The following USP40 variants were observed in gnomAD, a reference collection of about 807,000 sequenced individuals.
USP40 encodes the protein ubiquitin specific peptidase 40.
Under a neutral mutation model 166.2 loss-of-function variants are expected in USP40, and 143 were observed. The observed-to-expected ratio is 0.86, with a 90% CI of 0.75 to 0.99. The LOEUF (loss-of-function observed/expected upper bound fraction) is 0.99, where lower values mean the gene tolerates loss of function less well. USP40 is among the 50% of genes least tolerant of loss of function. The pLI, the probability that USP40 is intolerant of heterozygous loss-of-function variation, is 0.00. For synonymous variants in USP40, 498 were observed against 524.0 expected (o/e 0.95, Z 0.68); for missense variants, 1,444 against 1,479.7 (o/e 0.98, Z 0.40).
intron 31 of USP40, among the ~76,000 whole-genome samples, chr2:233,479,976 G>A (rs890814136): frequency 2.6e-5 from 4 of 152,200 alleles, no homozygotes; most frequent in African/African-American, 7.2e-5. Flanking sequence ...CTCCTCGCTC[G>A]GCTCCCTGAT....
intron 8 of USP40, among the ~76,000 whole-genome samples, chr2:233,544,549 G>A (rs932931243): frequency 1.3e-5 from 2 of 152,110 alleles, no homozygotes; most frequent in Non-Finnish European, 2.9e-5. Flanking sequence ...CCATCCTGAG[G>A]CATCTAAGAG....
intron 24 of USP40, among the ~76,000 whole-genome samples, chr2:233,494,963 TATATATATATATATATAC>T (rs2065643284): frequency 2.8e-5 from 2 of 70,288 alleles, no homozygotes; most frequent in African/African-American, 1.6e-4. Flanking sequence ...TATTTATATA[TATATATATATATATATAC>T]ACACACATAA....
At position 233,521,123 on chromosome 2, in the gene USP40, AAAAAG is replaced by A. The variant is rs1559248894; in HGVS notation, c.2202-14_2202-10del. The A allele has an allele frequency of 5.0e-6, 8 of 1,605,688 alleles. No homozygotes were observed. Among genetic ancestry groups the A allele is most frequent in the Non-Finnish European group, 5.9e-6 (7 of 1,177,040 alleles). On this transcript the variant is annotated splice_polypyrimidine_tract_variant and intron_variant, in intron 16 of 31. Transcript: ENST00000678225. ...CTTCCTTGGTCAACAAGCTGTAGGT[AAAAAG>A]AAAAGATCAGAAATTAATACCTTTC...
chr2:233,518,227 C>CA (rs2067379116), intron 18 of USP40, among the ~76,000 whole-genome samples: 1 of 60,014 alleles, frequency 1.7e-5, no homozygotes, highest in Non-Finnish European at 3.2e-5. Flanking sequence ...TTTTAAAAGT[C>CA]AAAACCAAAC....
chr2:233,485,766 C>T lies in USP40; in HGVS notation c.3408+1G>A, dbSNP rs76904681. The stretch of plus-strand genomic sequence containing the variant: ...TCTCTGAGACAGCCCCACAACTTTA[C>T]CCAGCTAGATATCGGAAGCCACTCG... On this transcript the variant is annotated splice_donor_variant, in intron 29 of 31. Coordinates refer to ENST00000678225, the MANE Select transcript of USP40 (RefSeq NM_001365479.2). LOFTEE classifies it high-confidence loss of function. The T allele has an allele frequency of 1.9e-6, 3 of 1,613,044 alleles. No individual in the cohort carries two copies. Among genetic ancestry groups the T allele is most frequent in the East Asian group, 2.2e-5 (1 of 44,884 alleles).
At chr2:233,532,283 T>A (rs537097173) in intron 11 of USP40, among the ~76,000 whole-genome samples, 40 of 152,316 alleles carry the variant, frequency 2.6e-4, no homozygotes, top group Non-Finnish European at 1.9e-4. Context: ...TGCAAATAAG[T>A]GTAACGTTGT....
At position 233,496,919 on chromosome 2, in the gene USP40, T is replaced by A; in HGVS notation, c.2716-87A>T. 3 of 948,324 alleles carry A rather than the reference T, an allele frequency of 3.2e-6. No homozygotes were observed. In the Admixed American group the frequency reaches 7.1e-5, roughly 22 times the overall value. The allele number at this position is 948,324 out of a possible 1,614,324, so 58.7% of individuals were successfully genotyped here. On this transcript the variant is annotated intron_variant, in intron 23 of 31. Coordinates refer to ENST00000678225, the MANE Select transcript of USP40 (RefSeq NM_001365479.2). The stretch of plus-strand genomic sequence containing the variant: ...TTTTTAAAACCCCATGCCTCTATTA[T>A]CTTTTCAAAAATTAAATGAATAATA...
chr2:233,499,425 T>C (rs1427523122), intron 22 of USP40, among the ~76,000 whole-genome samples: 1 of 152,342 alleles, frequency 6.6e-6, no homozygotes, highest in South Asian at 2.1e-4. Context: ...GGCATTTGGG[T>C]TGATTCCATG....
At position 233,551,495 on chromosome 2, in the gene USP40, G is replaced by A; in HGVS notation, c.718C>T (p.Pro240Ser). ...CTTAGTAATGAAACAGTAAGAAAAGGAGGCAGCTTACGTAATTTGGCCGAC... is the reference window on the plus strand; with the variant it reads ...CTTAGTAATGAAACAGTAAGAAAAGAAGGCAGCTTACGTAATTTGGCCGAC... ...AKSAKLRKLP[P>S]FLTVSLLRFN... is the part of the protein sequence containing the mutation. The change falls in exon 7 of 32, where the codon CCT becomes TCT. Residue 240 changes from proline to serine, a missense_variant. Pro to Ser is a moderately conservative substitution (Grantham distance 74). Transcript: ENST00000678225. 1 of 1,603,352 alleles carries A rather than the reference G, an allele frequency of 6.2e-7. No homozygotes were observed. The highest frequency in any genetic ancestry group is 8.5e-7 in the Non-Finnish European group (1 of 1,176,090).
chr2:233,542,454 T>A, intron 8 of USP40, 91 bp from the exon 9 acceptor site: 1 of 723,168 alleles, frequency 1.4e-6, no homozygotes, highest in Non-Finnish European at 2.2e-6. Flanking sequence ...CTCACACCTG[T>A]AATCCCAGCA....
chr2:233,494,932 AT>A (rs2065604496), intron 24 of USP40, among the ~76,000 whole-genome samples: 1 of 37,826 alleles, frequency 2.6e-5, no homozygotes, highest in Non-Finnish European at 4.7e-5. Flanking sequence ...ATATATATAT[AT>A]ATATATATAT....
chr2:233,503,849 G>T (rs1032331795), intron 21 of USP40, among the ~76,000 whole-genome samples: 14 of 152,072 alleles, frequency 9.2e-5, no homozygotes, highest in African/African-American at 3.1e-4. Flanking sequence ...ACAAGTATAG[G>T]TAAATTCATA....
chr2:233,477,438 CG>C lies in USP40; in HGVS notation c.3664del (p.Arg1222GlufsTer26). ...GATGGAGAGAGAAGTTTCCGGGGCT[CG>C]GGGCCGGGCAGGCGTCTCTGCACTG... ...LSSAETPARP[R>X]APETSLSIHV... On this transcript the variant is annotated frameshift_variant, in exon 32 of 32. Transcript: ENST00000678225. LOFTEE classifies it high-confidence loss of function. 3 of 1,613,674 alleles carry C rather than the reference CG, an allele frequency of 1.9e-6. No homozygotes were observed. Among genetic ancestry groups the C allele is most frequent in the South Asian group, 1.1e-5 (1 of 91,070 alleles).
At chr2:233,564,729 T>C (rs1245269151) in intron 2 of USP40, among the ~76,000 whole-genome samples, 1 of 152,168 alleles carries the variant, frequency 6.6e-6, no homozygotes, top group Non-Finnish European at 1.5e-5. Context: ...AAATGTTACA[T>C]TCCCAGCAGG....
intron 9 of USP40, among the ~76,000 whole-genome samples, chr2:233,541,727 A>G (rs2069432131): frequency 6.6e-6 from 1 of 152,210 alleles, no homozygotes; most frequent in African/African-American, 2.4e-5. Context: ...TTAAAACAGC[A>G]TATTAAACAA....
intron 14 of USP40, 55 bp downstream of exon 14, chr2:233,525,423 C>A: frequency 7.2e-7 from 1 of 1,387,040 alleles, no homozygotes; most frequent in South Asian, 1.3e-5. Context: ...GCAGGTGAGC[C>A]GGACAAAAAT....
At position 233,486,549 on chromosome 2, in the gene USP40, A is replaced by G. The variant is rs2064961792; in HGVS notation, c.3198-572T>C. Among the ~76,000 whole-genome samples, 1 of 152,212 alleles carries G rather than the reference A, an allele frequency of 6.6e-6. No individual in the cohort carries two copies. The highest frequency in any genetic ancestry group is 1.5e-5 in the Non-Finnish European group (1 of 68,040). On this transcript the variant is annotated intron_variant, in intron 28 of 31. Coordinates refer to ENST00000678225, the MANE Select transcript of USP40 (RefSeq NM_001365479.2). The surrounding 1 kb of genome is among the most constrained non-coding windows in gnomAD (Gnocchi z 4.0). ...ACTCAGCAAGGCAGGAGGAACAGGG[A>G]CGTGCAGAGGTCAGCACAGGCCATG... is the stretch of plus-strand genomic sequence containing the variant.
chr2:233,565,432 G>C lies in USP40; in HGVS notation c.123C>G (p.Ser41Arg). The C allele has an allele frequency of 6.5e-7, 1 of 1,537,174 alleles. No individual in the cohort carries two copies. Among genetic ancestry groups the C allele is most frequent in the East Asian group, 2.4e-5 (1 of 41,036 alleles). Residue 41 changes from serine (S) to arginine (R), a missense_variant, in exon 2 of 32, where the codon AGC (serine) becomes AGG (arginine). Coordinates refer to ENST00000678225, the MANE Select transcript of USP40 (RefSeq NM_001365479.2). ...PPAPREFTNL[S>R]GIRNQGGTCY... ...AGGTTCCACCCTGATTTCTGATTCC[G>C]CTTAAATTGGTGAATTCTCTAGGAG... is the stretch of plus-strand genomic sequence containing the variant.
In USP40 at chr2:233,519,653, T is replaced by C; in HGVS notation, c.2344A>G (p.Ile782Val). 1 of 1,426,884 alleles carries C rather than the reference T, an allele frequency of 7.0e-7. No individual in the cohort carries two copies. The highest frequency in any genetic ancestry group is 2.0e-5 in the Admixed American group (1 of 48,916). The allele number at this position is 1,426,884 out of a possible 1,614,324, so 88.4% of individuals were successfully genotyped here. ...AATTTTAATTCCTTTATGGCTTTAA[T>C]TCGAATATCAAACACCATCTAAAAC... Reference protein sequence around the residue: ...TVNTMVFDIRIKAIKELKLMK... With the variant: ...TVNTMVFDIRVKAIKELKLMK... Residue 782 changes from isoleucine to valine, a missense_variant, in exon 18 of 32, where the codon ATT becomes GTT. Coordinates refer to ENST00000678225, the MANE Select transcript of USP40 (RefSeq NM_001365479.2).
Sources: gnomAD v4.1 joint callset for allele counts (sites outside exome capture counted in the v4.1 genomes callset) on GRCh38, gnomAD v4.1.1 for gene constraint, Gnocchi (gnomAD v3.1) non-coding constraint, MANE v1.5 for transcripts, NCBI Gene and HGNC (gene_info 2026-07-23, HGNC 2026-07-21) for gene names.